GATA4: variants seen among roughly 807,000 people sequenced by gnomAD.
GATA4 encodes the protein transcription factor GATA-4.
GATA4 carries 7 observed loss-of-function variants against 37.9 expected under a neutral mutation model. The ratio of observed to expected loss-of-function variants is 0.18; its 90% CI spans 0.11 to 0.35. The LOEUF is 0.35. Ranked by LOEUF, GATA4 falls within the 10% of genes least tolerant of loss-of-function variation. The probability of loss-of-function intolerance (pLI) is 1.00; values close to 1 mark genes in which losing one functional copy is unlikely to be tolerated. For synonymous variants in GATA4, 372 were observed against 292.6 expected, an observed-to-expected ratio of 1.27 and a Z score of -2.77; for missense variants, 647 against 653.0, an observed-to-expected ratio of 0.99 and a Z score of 0.10.
At position 11,754,575 on chromosome 8, in the gene GATA4, T is replaced by G. The variant is rs141345555; in HGVS notation, c.913-471T>G. On this transcript the variant is annotated intron_variant, in intron 4 of 6. Transcript: ENST00000532059. ...GTGGATGATAAAGGCTTTTGAACAG[T>G]CTGTCTCTGCTGCCTGAAATGCCTG... 1.1e-3 allele frequency among the ~76,000 whole-genome samples: 164 copies of G among 152,282 alleles called. 3 individuals are homozygous for G. Among genetic ancestry groups the G allele is most frequent in the Middle Eastern group, 6.8e-3 (2 of 294 alleles).
chr8:11,692,405 T>C, upstream of GATA4: 1 of 682,540 alleles, frequency 1.5e-6, no homozygotes, highest in Non-Finnish European at 1.8e-6. Context: ...TGTATTTACG[T>C]TGATTTCTCT....
intron 4 of GATA4, among the ~76,000 whole-genome samples, chr8:11,750,795 A>AT (rs1240697532): frequency 8.7e-6 from 1 of 115,502 alleles, no homozygotes; most frequent in African/African-American, 2.8e-5. Flanking sequence ...AAAAAAAAAA[A>AT]ATCTAGCTGG....
intron 1 of GATA4, chr8:11,683,060 C>G (rs988788708): frequency 5.1e-6 from 5 of 985,186 alleles, no homozygotes; most frequent in Admixed American, 6.1e-5. Context: ...TCTCTGGTGT[C>G]TCTTACCCCC....
intron 2 of GATA4, among the ~76,000 whole-genome samples, chr8:11,716,941 T>A (rs1444212000): frequency 1.3e-5 from 2 of 152,246 alleles, no homozygotes; most frequent in Admixed American, 6.5e-5. Flanking sequence ...AAGAGGGCAG[T>A]TCTTGCCAAC....
chr8:11,737,609 G>T lies in GATA4; in HGVS notation c.617-11307G>T, dbSNP rs1003795972. On this transcript the variant is annotated intron_variant, in intron 2 of 6. Transcript: ENST00000532059. ...CCAGGCCAGGGTTCCCTGGGGCTGA[G>T]GCTGGGGCTCGCTGGGACAGGAGCT... Among the ~76,000 whole-genome samples the T allele has an allele frequency of 6.6e-5, 10 of 152,244 alleles. No homozygotes were observed. The East Asian group carries it at 1.7e-3, about 26-fold the overall frequency.
rs992897223 is a variant in GATA4, at chr8:11,709,019, C to A, written c.616+91C>A. The A allele has an allele frequency of 1.2e-5, 15 of 1,295,020 alleles. No individual in the cohort carries two copies. The highest frequency in any genetic ancestry group is 1.6e-5 in the African/African-American group (1 of 63,868). 80.2% of individuals were successfully genotyped at this position (1,295,020 alleles called of 1,614,324 possible). The stretch of plus-strand genomic sequence containing the variant: ...AGGGCCTCTTGTTTTTCCACCAACG[C>A]CTTCGTTGGGCTGGGGATGGTGCTT... On this transcript the variant is annotated intron_variant, in intron 2 of 6. Coordinates refer to ENST00000532059, the MANE Select transcript of GATA4 (RefSeq NM_001308093.3). This position sits in a 1 kb window ranked among gnomAD's most constrained non-coding sequence, Gnocchi z 4.3.
At chr8:11,756,824 C>G (rs1802592511) in intron 5 of GATA4, 111 bp from the exon 6 acceptor site, 3 of 1,447,288 alleles carry the variant, frequency 2.1e-6, no homozygotes, top group African/African-American at 2.8e-5. Context: ...CTGTCCCCGG[C>G]AAATGTAGAT....
At chr8:11,732,087 T>A (rs1360911110) in intron 2 of GATA4, among the ~76,000 whole-genome samples, 1 of 152,254 alleles carries the variant, frequency 6.6e-6, no homozygotes, top group African/African-American at 2.4e-5. Flanking sequence ...TGCAAATCTA[T>A]CATATTTATA....
chr8:11,733,872 C>T (rs909042282), intron 2 of GATA4, among the ~76,000 whole-genome samples: 5 of 152,122 alleles, frequency 3.3e-5, no homozygotes, highest in Non-Finnish European at 5.9e-5. Context: ...ATATGTGACT[C>T]GAAGTCACTA....
intron 1 of GATA4, chr8:11,681,433 C>T: frequency 1.4e-5 from 14 of 984,412 alleles, no homozygotes; most frequent in Non-Finnish European, 1.6e-5. Context: ...GCCGTAGCTA[C>T]GATCCCCGCG....
intron 4 of GATA4, among the ~76,000 whole-genome samples, chr8:11,754,048 C>G (rs1178555891): frequency 6.6e-6 from 1 of 152,210 alleles, no homozygotes; most frequent in African/African-American, 2.4e-5. Context: ...ACAGGGCAGT[C>G]TCTAGCATAG....
At chr8:11,701,749 G>A (rs942753217), upstream of GATA4, among the ~76,000 whole-genome samples, 5 of 152,114 alleles carry the variant, frequency 3.3e-5, no homozygotes, top group Non-Finnish European at 7.4e-5. Flanking sequence ...AATTTTCTCT[G>A]TCCCAGGCGA....
intron 2 of GATA4, among the ~76,000 whole-genome samples, chr8:11,736,862 AAAG>A (rs1367626848): frequency 1.3e-5 from 2 of 152,180 alleles, no homozygotes; most frequent in African/African-American, 2.4e-5. Context: ...TTCCTTTTAC[AAAG>A]AAGATCTGAG....
At chr8:11,755,252 C>G (rs939201839) in intron 5 of GATA4, 119 bp downstream of exon 5, 5 of 761,482 alleles carry the variant, frequency 6.6e-6, no homozygotes, top group Non-Finnish European at 1.1e-5. Context: ...GTGACAGCAT[C>G]GGACATCCCT....
At position 11,708,292 on chromosome 8, in the gene GATA4, A is replaced by G. The variant is rs561891808; in HGVS notation, c.-21A>G. The G allele has an allele frequency of 1.9e-5, 30 of 1,568,652 alleles. No homozygotes were observed. In the South Asian group the frequency reaches 3.1e-4, roughly 16 times the overall value. On this transcript the variant is annotated 5_prime_UTR_variant, in exon 2 of 7. Transcript: ENST00000532059. This position sits in a 1 kb window ranked among gnomAD's most constrained non-coding sequence, Gnocchi z 6.7. The stretch of plus-strand genomic sequence containing the variant: ...CTGCGAGGGAGAGAGAGGACACCGA[A>G]GCCGGGAGCTCGCAGGGACCATGTA...
intron 1 of GATA4, among the ~76,000 whole-genome samples, chr8:11,683,690 A>G (rs1423142382): frequency 6.6e-6 from 1 of 152,180 alleles, no homozygotes; most frequent in South Asian, 2.1e-4. Flanking sequence ...GGGACCCTAA[A>G]TCAACTATTT....
At chr8:11,684,994 T>A (rs2129947461) in intron 1 of GATA4, among the ~76,000 whole-genome samples, 1 of 152,316 alleles carries the variant, frequency 6.6e-6, no homozygotes. Context: ...TTGACCCACT[T>A]TTTCTGGTAA....
chr8:11,742,806 C>T (rs908240215), intron 2 of GATA4, among the ~76,000 whole-genome samples: 4 of 152,244 alleles, frequency 2.6e-5, no homozygotes, highest in East Asian at 1.9e-4. Flanking sequence ...GGGACAGATC[C>T]GGGCCTGTCG....
chr8:11,749,201 G>T lies in GATA4; in HGVS notation c.786+116G>T. On this transcript the variant is annotated intron_variant, in intron 3 of 6. Coordinates refer to ENST00000532059, the MANE Select transcript of GATA4 (RefSeq NM_001308093.3). This position sits in a 1 kb window ranked among gnomAD's most constrained non-coding sequence, Gnocchi z 4.6. Reference sequence around the variant, plus strand: ...GAGGGTGTGCATCGGGGATTACGTGGGTGAGAGCCCCATAATAATTCTCAC... The same window carrying T: ...GAGGGTGTGCATCGGGGATTACGTGTGTGAGAGCCCCATAATAATTCTCAC... The T allele has an allele frequency of 2.1e-6, 2 of 971,414 alleles. No individual in the cohort carries two copies. The highest frequency in any genetic ancestry group is 1.4e-5 in the South Asian group (1 of 71,586). 60.2% of individuals were successfully genotyped at this position (971,414 alleles called of 1,614,324 possible). A position where few individuals can be genotyped will look rare whatever the true frequency, so the allele number is the denominator to read the frequency against.
Sources: gnomAD v4.1 joint callset for allele counts (sites outside exome capture counted in the v4.1 genomes callset) on GRCh38, gnomAD v4.1.1 for gene constraint, Gnocchi (gnomAD v3.1) non-coding constraint, MANE v1.5 for transcripts, NCBI Gene and HGNC (gene_info 2026-07-23, HGNC 2026-07-21) for gene names.